The following HOOK3 variants were observed in gnomAD, a reference collection of about 807,000 sequenced individuals.
HOOK3 encodes the protein hook microtubule tethering protein 3.
HOOK3 carries 24 observed loss-of-function variants against 116.3 expected under a neutral mutation model. That is an observed-to-expected ratio of 0.21 (90% CI 0.15 to 0.29). The LOEUF is 0.29. HOOK3 is among the 10% of genes least tolerant of loss of function. The pLI is 1.00. For missense variants in HOOK3, 632 were observed against 830.2 expected (o/e 0.76, Z 2.93); for synonymous variants, 275 against 283.0 (o/e 0.97, Z 0.28).
intron 2 of HOOK3, among the ~76,000 whole-genome samples, chr8:42,906,545 C>T (rs1316610570): frequency 2.6e-5 from 4 of 152,174 alleles, no homozygotes; most frequent in Non-Finnish European, 5.9e-5. Context: ...TTTGCTGTTA[C>T]AGGGGTATCT....
chr8:42,914,457 A>G (rs1807493066), intron 2 of HOOK3, among the ~76,000 whole-genome samples: 1 of 152,146 alleles, frequency 6.6e-6, no homozygotes, highest in Non-Finnish European at 1.5e-5. Context: ...TCTATTTACC[A>G]CTATTTAATC....
intron 21 of HOOK3, among the ~76,000 whole-genome samples, chr8:43,014,719 T>C (rs1809678389): frequency 6.6e-6 from 1 of 152,228 alleles, no homozygotes; most frequent in Non-Finnish European, 1.5e-5. Context: ...GTTTTTGTTT[T>C]ACAGTTATAA....
At chr8:42,956,510 CT>C (rs1808439227) in intron 6 of HOOK3, among the ~76,000 whole-genome samples, 1 of 151,858 alleles carries the variant, frequency 6.6e-6, no homozygotes, top group African/African-American at 2.4e-5. Flanking sequence ...ATTTTATTTA[CT>C]TTTTTTCTCT....
Position 43,030,321 on chromosome 8 carries a change from C to A in HOOK3, c.*11823C>A, listed in dbSNP as rs1217558243. On this transcript the variant is annotated 3_prime_UTR_variant, in exon 22 of 22. Coordinates refer to ENST00000307602, the MANE Select transcript of HOOK3 (RefSeq NM_032410.4). ...GAAATCTTGTATTTCCTTTTGATAT[C>A]ATTTACTCATTTTAATTTTACGACT... is the stretch of plus-strand genomic sequence containing the variant. 1 of 184,828 alleles carries A rather than the reference C, an allele frequency of 5.4e-6. No individual in the cohort carries two copies. Among genetic ancestry groups the A allele is most frequent in the Non-Finnish European group, 1.1e-5 (1 of 87,180 alleles). 11.4% of individuals were successfully genotyped at this position (184,828 alleles called of 1,614,324 possible). A position where few individuals can be genotyped will look rare whatever the true frequency, so the allele number is the denominator to read the frequency against.
At chr8:43,015,255 G>T (rs186823535) in intron 21 of HOOK3, among the ~76,000 whole-genome samples, 1 of 152,268 alleles carries the variant, frequency 6.6e-6, no homozygotes, top group Non-Finnish European at 1.5e-5. Context: ...ATGCACGATG[G>T]CTCACACCTG....
At chr8:42,958,978 G>A (rs568243838) in intron 7 of HOOK3, among the ~76,000 whole-genome samples, 166 of 147,342 alleles carry the variant, frequency 1.1e-3, no homozygotes, top group African/African-American at 4.0e-3. Context: ...GATCAAAAAA[G>A]ACGCATAAGA....
chr8:42,923,803 T>G (rs1370465491), intron 2 of HOOK3, among the ~76,000 whole-genome samples: 1 of 152,208 alleles, frequency 6.6e-6, no homozygotes. Context: ...GTAAATTGTG[T>G]CGTGAGTTAT....
chr8:43,022,103 AAAC>A lies in HOOK3; in HGVS notation c.*3606_*3608del. On this transcript the variant is annotated 3_prime_UTR_variant, in exon 22 of 22. Transcript: ENST00000307602. ...GCTGTTGTAAAAAAAAAAAAAAAAA[AAAC>A]TTCTGAATATACTTTAGGTATCAGA... 5.0e-6 allele frequency: 1 copy of A among 201,700 alleles called. No individual in the cohort carries two copies. Among genetic ancestry groups the A allele is most frequent in the Non-Finnish European group, 1.0e-5 (1 of 97,982 alleles). 12.5% of individuals were successfully genotyped at this position (201,700 alleles called of 1,614,324 possible).
At chr8:42,902,276 C>G (rs1361643124) in intron 1 of HOOK3, among the ~76,000 whole-genome samples, 1 of 143,738 alleles carries the variant, frequency 7.0e-6, no homozygotes, top group Non-Finnish European at 1.5e-5. Context: ...CTCTCTCTCT[C>G]TTTTTTTTTT....
At chr8:42,983,892 T>C (rs1808998758) in intron 14 of HOOK3, among the ~76,000 whole-genome samples, 1 of 152,210 alleles carries the variant, frequency 6.6e-6, no homozygotes. Context: ...GCTTTTTACC[T>C]TTTTGGGGCC....
intron 4 of HOOK3, among the ~76,000 whole-genome samples, chr8:42,935,506 G>A (rs151123583): frequency 0.24 from 36,891 of 152,016 alleles, 5,332 homozygotes; most frequent in East Asian, 0.33. Flanking sequence ...TTTTCTTCTA[G>A]GGTTTTTATG....
chr8:43,013,193 T>C, intron 20 of HOOK3, 38 bp downstream of exon 20: 2 of 1,493,424 alleles, frequency 1.3e-6, no homozygotes, highest in Admixed American at 2.0e-5. Context: ...AATTGTGTTT[T>C]GATTTTAATG....
At position 43,026,360 on chromosome 8, in the gene HOOK3, T is replaced by C. The variant is rs1448301761; in HGVS notation, c.*7862T>C. 5.1e-6 allele frequency: 1 copy of C among 197,186 alleles called. No individual in the cohort carries two copies. Among genetic ancestry groups the C allele is most frequent in the African/African-American group, 2.3e-5 (1 of 43,334 alleles). The allele number at this position is 197,186 out of a possible 1,614,324, so 12.2% of individuals were successfully genotyped here. ...CAAAATTTGTAGCACTTTACTAATA[T>C]TAGATCATTATTTTCCCTCTTCCCC... On this transcript the variant is annotated 3_prime_UTR_variant, in exon 22 of 22. Coordinates refer to ENST00000307602, the MANE Select transcript of HOOK3 (RefSeq NM_032410.4).
chr8:42,997,357 G>A (rs575897975), intron 15 of HOOK3, among the ~76,000 whole-genome samples, 193 bp from the exon 16 acceptor site: 4 of 152,300 alleles, frequency 2.6e-5, no homozygotes, highest in South Asian at 2.1e-4. Flanking sequence ...GTCATCATTC[G>A]AAATTTCAAG....
At chr8:42,903,579 G>C (rs1807239775) in intron 1 of HOOK3, among the ~76,000 whole-genome samples, 1 of 150,466 alleles carries the variant, frequency 6.6e-6, no homozygotes, top group Non-Finnish European at 1.5e-5. Context: ...TCCTGACCTC[G>C]TGATCCACTC....
intron 9 of HOOK3, 76 bp downstream of exon 9, chr8:42,964,550 G>A: frequency 7.4e-7 from 1 of 1,351,834 alleles, no homozygotes; most frequent in South Asian, 1.3e-5. Context: ...ATATTGGCCA[G>A]GCACATTGGT....
chr8:43,003,042 A>G (rs1478192516), intron 17 of HOOK3, among the ~76,000 whole-genome samples: 5 of 152,148 alleles, frequency 3.3e-5, no homozygotes, highest in African/African-American at 1.2e-4. Context: ...GAGATGTTTC[A>G]TAATTTTTCT....
At chr8:42,921,894 C>T (rs990619264) in intron 2 of HOOK3, among the ~76,000 whole-genome samples, 1 of 152,122 alleles carries the variant, frequency 6.6e-6, no homozygotes, top group South Asian at 2.1e-4. Flanking sequence ...GAGTATTGTC[C>T]AGTACTTGGT....
chr8:42,999,026 CTT>C (rs1809332523), intron 16 of HOOK3, among the ~76,000 whole-genome samples: 4 of 152,114 alleles, frequency 2.6e-5, no homozygotes, highest in South Asian at 2.1e-4. Flanking sequence ...TCTGAGGAGA[CTT>C]TTATTGATTT....
Sources: gnomAD v4.1 joint callset for allele counts (sites outside exome capture counted in the v4.1 genomes callset) on GRCh38, gnomAD v4.1.1 for gene constraint, MANE v1.5 for transcripts, NCBI Gene and HGNC (gene_info 2026-07-23, HGNC 2026-07-21) for gene names.